The following USP4 variants were observed in gnomAD, a reference collection of about 807,000 sequenced individuals.
The protein encoded by USP4 is ubiquitin specific peptidase 4.
A neutral mutation model predicts 118.2 loss-of-function variants in USP4; 72 were observed. The observed-to-expected ratio is 0.61, with a 90% CI of 0.50 to 0.74. The LOEUF (loss-of-function observed/expected upper bound fraction) is 0.74. USP4 is among the 30% of genes least tolerant of loss of function. The pLI, the probability that USP4 is intolerant of heterozygous loss-of-function variation, is 0.00. For synonymous variants in USP4, 415 were observed against 440.4 expected, an observed-to-expected ratio of 0.94 and a Z score of 0.72; for missense variants, 1,037 against 1,185.7, an observed-to-expected ratio of 0.87 and a Z score of 1.84.
At chr3:49,291,719 C>T (rs1294655666) in intron 15 of USP4, among the ~76,000 whole-genome samples, 2 of 152,008 alleles carry the variant, frequency 1.3e-5, no homozygotes, top group Non-Finnish European at 2.9e-5. Context: ...TGGCTCACAC[C>T]TGTAATCCTA....
intron 19 of USP4, among the ~76,000 whole-genome samples, chr3:49,282,688 C>T (rs1171579051): frequency 6.6e-6 from 1 of 151,912 alleles, no homozygotes; most frequent in Non-Finnish European, 1.5e-5. Context: ...TTAAAATCTA[C>T]ATTTTGTGGG....
In USP4 at chr3:49,289,257, T is replaced by C. The variant is rs188238177; in HGVS notation, c.1973-2932A>G. ...AAATAGCAAACACACTCACAAGATG[T>C]TGTTACTGATTGAGTGCCTTTCATG... is the stretch of plus-strand genomic sequence containing the variant. On this transcript the variant is annotated intron_variant, in intron 15 of 21. Transcript: ENST00000265560. Among the ~76,000 whole-genome samples, 3 of 152,310 alleles carry C rather than the reference T, an allele frequency of 2.0e-5. No homozygotes were observed. The East Asian group carries it at 5.8e-4, about 29-fold the overall frequency.
intron 8 of USP4, among the ~76,000 whole-genome samples, chr3:49,307,541 G>A (rs1010321869): frequency 6.6e-6 from 1 of 151,742 alleles, no homozygotes; most frequent in Admixed American, 6.6e-5. Context: ...CCTCCCATTT[G>A]AACCTCCCAA....
intron 16 of USP4, among the ~76,000 whole-genome samples, chr3:49,285,401 A>T (rs548765414): frequency 6.6e-6 from 1 of 152,244 alleles, no homozygotes; most frequent in Non-Finnish European, 1.5e-5. Context: ...TAAGCTGAAA[A>T]GTCAAAGACT....
chr3:49,330,648 A>G (rs1198752393), intron 2 of USP4, among the ~76,000 whole-genome samples: 1 of 152,036 alleles, frequency 6.6e-6, no homozygotes, highest in Non-Finnish European at 1.5e-5. Flanking sequence ...CATTTTGATA[A>G]GATTAGCTCA....
At chr3:49,291,824 CT>C (rs897112662) in intron 15 of USP4, among the ~76,000 whole-genome samples, 1 of 145,844 alleles carries the variant, frequency 6.9e-6, no homozygotes, top group African/African-American at 2.5e-5. Flanking sequence ...TTTTTTTTTT[CT>C]TTTTTTGAGA....
chr3:49,326,332 T>C (rs1468438341), intron 3 of USP4, among the ~76,000 whole-genome samples: 1 of 151,720 alleles, frequency 6.6e-6, no homozygotes, highest in East Asian at 1.9e-4. Context: ...AAAAAATATA[T>C]ATATATTTTT....
rs1250813695 is a variant in USP4, at chr3:49,318,947, A to G, written c.695+5755T>C. On this transcript the variant is annotated intron_variant, in intron 6 of 21. Coordinates refer to ENST00000265560, the MANE Select transcript of USP4 (RefSeq NM_003363.4). ...AAAACAAACCACCATCACCACCACCAAGGAATCCATCCATGGAAACATTTA... is the reference window on the plus strand; with the variant it reads ...AAAACAAACCACCATCACCACCACCGAGGAATCCATCCATGGAAACATTTA... 2.7e-5 allele frequency among the ~76,000 whole-genome samples: 4 copies of G among 150,540 alleles called. No homozygotes were observed. The East Asian group carries it at 7.8e-4, about 29-fold the overall frequency.
At chr3:49,316,021 CAG>C in intron 6 of USP4, among the ~76,000 whole-genome samples, 1 of 152,112 alleles carries the variant, frequency 6.6e-6, no homozygotes, top group South Asian at 2.1e-4. Flanking sequence ...CTGACCAACA[CAG>C]AGGAACCCCA....
At chr3:49,312,448 C>T (rs752137185) in intron 6 of USP4, 1 of 452,752 alleles carries the variant, frequency 2.2e-6, no homozygotes, top group South Asian at 1.6e-5. Context: ...CGCACTCCAG[C>T]TTGGTGACAG....
intron 19 of USP4, among the ~76,000 whole-genome samples, chr3:49,282,234 CAATA>C (rs925719598): frequency 6.6e-6 from 1 of 151,768 alleles, no homozygotes; most frequent in Non-Finnish European, 1.5e-5. Context: ...TTTCTTCCTC[CAATA>C]TTTTATTTAA....
chr3:49,289,560 T>C (rs1450703292), intron 15 of USP4, among the ~76,000 whole-genome samples: 1 of 152,068 alleles, frequency 6.6e-6, no homozygotes, highest in East Asian at 1.9e-4. Flanking sequence ...ACATAACATT[T>C]CGGGCAAGAA....
At chr3:49,328,257 C>G (rs1292582744) in intron 2 of USP4, among the ~76,000 whole-genome samples, 1 of 151,944 alleles carries the variant, frequency 6.6e-6, no homozygotes, top group Non-Finnish European at 1.5e-5. Context: ...ACTCGGGAGG[C>G]TGAGGCAGGA....
chr3:49,336,750 T>C (rs893440764), intron 1 of USP4, among the ~76,000 whole-genome samples: 1 of 148,778 alleles, frequency 6.7e-6, no homozygotes, highest in African/African-American at 2.5e-5. Context: ...TCAAACTCCC[T>C]ACCTCAGGTA....
Position 49,284,928 on chromosome 3 carries a change from G to A in USP4, c.2201-9C>T, listed in dbSNP as rs753143553. 2.0e-6 allele frequency: 3 copies of A among 1,506,504 alleles called. No homozygotes were observed. Among genetic ancestry groups the A allele is most frequent in the Admixed American group, 2.0e-5 (1 of 49,866 alleles). The allele number at this position is 1,506,504 out of a possible 1,614,324, so 93.3% of individuals were successfully genotyped here. On this transcript the variant is annotated splice_polypyrimidine_tract_variant and intron_variant, in intron 16 of 21. Coordinates refer to ENST00000265560, the MANE Select transcript of USP4 (RefSeq NM_003363.4). ...GGCCAGTGTAGATCGAGCTGAGGAG[G>A]ACCAAAATGTCACTTGTTATGGAAT...
Position 49,297,810 on chromosome 3 carries a change from G to A in USP4, c.1691+60C>T, listed in dbSNP as rs528827023. The A allele has an allele frequency of 1.2e-5, 17 of 1,374,380 alleles. No homozygotes were observed. In the East Asian group the frequency reaches 3.5e-4, roughly 28 times the overall value. 85.1% of individuals were successfully genotyped at this position (1,374,380 alleles called of 1,614,324 possible). A position where few individuals can be genotyped will look rare whatever the true frequency, so the allele number is the denominator to read the frequency against. ...TTTTTGTTCTGGAGATATGAATGCA[G>A]CAAAGTCTCTAGAATGTGTCCTCTG... is the stretch of plus-strand genomic sequence containing the variant. On this transcript the variant is annotated intron_variant, in intron 13 of 21. Coordinates refer to ENST00000265560, the MANE Select transcript of USP4 (RefSeq NM_003363.4).
chr3:49,294,280 C>T (rs1481998665), intron 14 of USP4, 127 bp downstream of exon 14: 5 of 1,083,060 alleles, frequency 4.6e-6, no homozygotes, highest in African/African-American at 1.6e-5. Flanking sequence ...CCACTGCACC[C>T]GGCAAATGCA....
chr3:49,331,450 A>G (rs1016310170), intron 2 of USP4, among the ~76,000 whole-genome samples: 2 of 151,902 alleles, frequency 1.3e-5, no homozygotes, highest in Non-Finnish European at 2.9e-5. Context: ...GCAAAACCCC[A>G]TCTCTACTAA....
chr3:49,323,008 C>T (rs1575618299), intron 6 of USP4, among the ~76,000 whole-genome samples: 1 of 151,290 alleles, frequency 6.6e-6, no homozygotes, highest in Admixed American at 6.6e-5. Context: ...GCTCTTGTTC[C>T]CCAGGCTAGA....
Sources: gnomAD v4.1 joint callset for allele counts (sites outside exome capture counted in the v4.1 genomes callset) on GRCh38, gnomAD v4.1.1 for gene constraint, MANE v1.5 for transcripts, NCBI Gene and HGNC (gene_info 2026-07-23, HGNC 2026-07-21) for gene names.